Variants in KIF1A observed in about 807,000 individuals in gnomAD.
The protein encoded by KIF1A is kinesin-like protein KIF1A.
In KIF1A, 46 loss-of-function variants were observed where a neutral mutation model predicts 227.3. That is an observed-to-expected ratio of 0.20 (90% CI 0.16 to 0.26). The LOEUF is 0.26. Among genes scored for constraint, KIF1A ranks in the 10% least tolerant of loss-of-function variants. KIF1A has a pLI of 1.00. For missense variants in KIF1A, 1,683 were observed against 2,485.9 expected (o/e 0.68, Z 6.87); for synonymous variants, 1,022 against 1,012.8 (o/e 1.01, Z -0.17).
chr2:240,809,315 G>T (rs1017082171), intron 1 of KIF1A, among the ~76,000 whole-genome samples: 1 of 152,212 alleles, frequency 6.6e-6, no homozygotes, highest in East Asian at 1.9e-4. Flanking sequence ...AGAGGGCAGA[G>T]GGCAACACGC....
chr2:240,779,283 CAGTTCCTCAT>C (rs2053237327), intron 10 of KIF1A, among the ~76,000 whole-genome samples: 1 of 123,066 alleles, frequency 8.1e-6, no homozygotes, highest in African/African-American at 3.2e-5. Context: ...CTTCCTCACT[CAGTTCCTCAT>C]AGTTCCACAC....
In KIF1A at chr2:240,802,284, T is replaced by A. The variant is rs1055603694; in HGVS notation, c.-60-4472A>T. Among the ~76,000 whole-genome samples the A allele has an allele frequency of 2.6e-5, 4 of 152,220 alleles. No individual in the cohort carries two copies. In the East Asian group the frequency reaches 7.7e-4, roughly 29 times the overall value. On this transcript the variant is annotated intron_variant, in intron 1 of 48. Transcript: ENST00000498729. Reference sequence around the variant, plus strand: ...ATGTTGTCATTGCTAGGGTAATCATTTAGAAAGTAGAAAACTAATGTATAA... The same window carrying A: ...ATGTTGTCATTGCTAGGGTAATCATATAGAAAGTAGAAAACTAATGTATAA...
chr2:240,763,242 G>A lies in KIF1A; in HGVS notation c.1873C>T (p.Pro625Ser). ...RTPCAETPAE[P>S]VDWAFAQREL... ...CGCTGGGCGAAGGCCCAGTCCACAG[G>A]CTCAGCTGGCGTCTCCGCACAAGGC... Residue 625 changes from proline to serine, a missense_variant, in exon 21 of 49, where the codon CCT (proline) becomes TCT (serine). Physicochemically the swap from Pro to Ser is moderately conservative, Grantham distance 74. Transcript: ENST00000498729. 1.2e-6 allele frequency: 2 copies of A among 1,613,056 alleles called. No homozygotes were observed. The highest frequency in any genetic ancestry group is 1.7e-6 in the Non-Finnish European group (2 of 1,179,742).
chr2:240,789,782 C>T lies in KIF1A; in HGVS notation c.107-470G>A, dbSNP rs1374247209. 1.3e-5 allele frequency among the ~76,000 whole-genome samples: 2 copies of T among 152,116 alleles called. No individual in the cohort carries two copies. Among genetic ancestry groups the T allele is most frequent in the African/African-American group, 2.4e-5 (1 of 41,404 alleles). On this transcript the variant is annotated intron_variant, in intron 2 of 48. Transcript: ENST00000498729. This position sits in a 1 kb window ranked among gnomAD's most constrained non-coding sequence, Gnocchi z 4.8. ...CCATCACGTTTGTGTTACGCCTGTG[C>T]GGTTCTTCTAGGCTTGCTACTCCAG...
chr2:240,781,791 C>T (rs914118426), intron 10 of KIF1A: 1 of 985,258 alleles, frequency 1.0e-6, no homozygotes, highest in Non-Finnish European at 1.2e-6. Flanking sequence ...CCTCGCCTGG[C>T]TCCCACTCGG....
intron 38 of KIF1A, among the ~76,000 whole-genome samples, chr2:240,734,370 G>T (rs2047085834): frequency 6.6e-6 from 1 of 152,176 alleles, no homozygotes; most frequent in African/African-American, 2.4e-5. Context: ...CCCATCCACA[G>T]GGCAGGGTGT....
rs1288594708 is a variant in KIF1A, at chr2:240,810,576, A to C, written c.-61+9546T>G. Among the ~76,000 whole-genome samples, 11 of 152,342 alleles carry C rather than the reference A, an allele frequency of 7.2e-5. No individual in the cohort carries two copies. The South Asian group carries it at 2.3e-3, about 32-fold the overall frequency. On this transcript the variant is annotated intron_variant, in intron 1 of 48. Transcript: ENST00000498729. ...GCAAGTAGAGATGCTATACATATTCACAGGGAGAAATACACCCAAATGCAG... is the reference window on the plus strand; with the variant it reads ...GCAAGTAGAGATGCTATACATATTCCCAGGGAGAAATACACCCAAATGCAG...
rs2047678174 is a variant in KIF1A at position 240,739,126 on chromosome 2, TC to T, written c.3901+931del. ...ATCCTGGTGTACCTGGAACCTCCTG[TC>T]TACAGTCCTGCACTGGGACACAAGG... On this transcript the variant is annotated intron_variant, in intron 37 of 48. Transcript: ENST00000498729. This position sits in a 1 kb window ranked among gnomAD's most constrained non-coding sequence, Gnocchi z 5.6. Among the ~76,000 whole-genome samples, 1 of 152,198 alleles carries T rather than the reference TC, an allele frequency of 6.6e-6. No individual in the cohort carries two copies. Among genetic ancestry groups the T allele is most frequent in the Non-Finnish European group, 1.5e-5 (1 of 68,034 alleles).
chr2:240,771,409 A>C (rs552749361), intron 14 of KIF1A: 1 of 444,878 alleles, frequency 2.2e-6, no homozygotes, highest in Admixed American at 3.6e-5. Context: ...CCTGCCCCCC[A>C]GGCCTGCCCT....
Position 240,790,344 on chromosome 2 carries a change from G to A in KIF1A, c.107-1032C>T, listed in dbSNP as rs78470919. 0.11 allele frequency among the ~76,000 whole-genome samples: 16,765 copies of A among 151,978 alleles called. 1,066 individuals are homozygous for A. Among genetic ancestry groups the A allele is most frequent in the Non-Finnish European group, 0.14 (9,668 of 67,958 alleles). ...CATCACATCAGCAAACCTGAAGAACGAAGCCCTCATGGCACCGTCCTATGC... is the reference window on the plus strand; with the variant it reads ...CATCACATCAGCAAACCTGAAGAACAAAGCCCTCATGGCACCGTCCTATGC... On this transcript the variant is annotated intron_variant, in intron 2 of 48. Coordinates refer to ENST00000498729, the MANE Select transcript of KIF1A (RefSeq NM_001244008.2). The surrounding 1 kb of genome is among the most constrained non-coding windows in gnomAD (Gnocchi z 5.0).
rs535886940 is a variant in KIF1A at position 240,725,139 on chromosome 2, C to A, written c.4256+132G>T. On this transcript the variant is annotated intron_variant, in intron 40 of 48. Transcript: ENST00000498729. The surrounding 1 kb of genome is among the most constrained non-coding windows in gnomAD (Gnocchi z 5.8). Reference sequence around the variant, plus strand: ...GAGGGGACTGAGCGCAGGGAGCCAGCCAGGAGTGTGGCTGGGCCTCGCACA... The same window carrying A: ...GAGGGGACTGAGCGCAGGGAGCCAGACAGGAGTGTGGCTGGGCCTCGCACA... 4.3e-6 allele frequency: 4 copies of A among 921,508 alleles called. No homozygotes were observed. The highest frequency in any genetic ancestry group is 6.6e-6 in the Non-Finnish European group (4 of 607,840). The allele number at this position is 921,508 out of a possible 1,614,324, so 57.1% of individuals were successfully genotyped here. A position where few individuals can be genotyped will look rare whatever the true frequency, so the allele number is the denominator to read the frequency against.
chr2:240,738,974 C>G (rs1014126996), intron 37 of KIF1A, among the ~76,000 whole-genome samples: 1 of 152,232 alleles, frequency 6.6e-6, no homozygotes, highest in Non-Finnish European at 1.5e-5. Flanking sequence ...TTACGTTCTG[C>G]CTATAAATCA....
At position 240,774,277 on chromosome 2, in the gene KIF1A, C is replaced by T. The variant is rs371447665; in HGVS notation, c.959-16G>A. 6.3e-7 allele frequency: 1 copy of T among 1,589,534 alleles called. No homozygotes were observed. Among genetic ancestry groups the T allele is most frequent in the South Asian group, 1.1e-5 (1 of 90,324 alleles). ...GAGTTACCGCCTGTGGGAAGAAGAC[C>T]AGGTTGTGCCCAGAGGGGGATCTAG... is the stretch of plus-strand genomic sequence containing the variant. On this transcript the variant is annotated splice_polypyrimidine_tract_variant and intron_variant, in intron 11 of 48. Transcript: ENST00000498729.
rs1018377251 is a variant in KIF1A at position 240,790,476 on chromosome 2, C to T, written c.107-1164G>A. On this transcript the variant is annotated intron_variant, in intron 2 of 48. Transcript: ENST00000498729. The surrounding 1 kb of genome is among the most constrained non-coding windows in gnomAD (Gnocchi z 5.0). ...CAGCCTCCAGTATGCCCGCACCCTC[C>T]GTGCCAGCATGCACCCTGGGGACCT... Among the ~76,000 whole-genome samples the T allele has an allele frequency of 5.3e-5, 8 of 152,086 alleles. No individual in the cohort carries two copies. The highest frequency in any genetic ancestry group is 1.9e-4 in the African/African-American group (8 of 41,412).
At chr2:240,798,200 G>C (rs551710934) in intron 1 of KIF1A, among the ~76,000 whole-genome samples, 1 of 152,380 alleles carries the variant, frequency 6.6e-6, no homozygotes, top group Admixed American at 6.5e-5. Flanking sequence ...GCTGGCTCCA[G>C]ATCGACATGT....
intron 37 of KIF1A, chr2:240,737,578 G>A (rs1575548102): frequency 1.3e-5 from 2 of 159,804 alleles, no homozygotes; most frequent in African/African-American, 4.8e-5. Flanking sequence ...AGGGAGGAAG[G>A]GAGGGAGGGA....
upstream of KIF1A, among the ~76,000 whole-genome samples, chr2:240,820,767 G>A (rs917154131): frequency 2.6e-5 from 4 of 151,806 alleles, no homozygotes; most frequent in Non-Finnish European, 5.9e-5. This position sits in a 1 kb window ranked among gnomAD's most constrained non-coding sequence, Gnocchi z 6.2. Flanking sequence ...GTCGGGGCCG[G>A]GGCGCCGGGG....
chr2:240,803,236 T>C (rs1331856248), intron 1 of KIF1A, among the ~76,000 whole-genome samples: 2 of 152,164 alleles, frequency 1.3e-5, no homozygotes, highest in Non-Finnish European at 2.9e-5. Flanking sequence ...GTGGCAAAGG[T>C]CCTGCGGAAG....
chr2:240,810,096 G>A (rs959541086), intron 1 of KIF1A, among the ~76,000 whole-genome samples: 1 of 152,076 alleles, frequency 6.6e-6, no homozygotes, highest in Admixed American at 6.5e-5. Context: ...TTACAGGTGC[G>A]AGCCACCGCA....
Sources: gnomAD v4.1 joint callset for allele counts (sites outside exome capture counted in the v4.1 genomes callset) on GRCh38, gnomAD v4.1.1 for gene constraint, Gnocchi (gnomAD v3.1) non-coding constraint, MANE v1.5 for transcripts, NCBI Gene and HGNC (gene_info 2026-07-23, HGNC 2026-07-21) for gene names.